The following AMPD3 variants were observed in gnomAD, a reference collection of about 807,000 sequenced individuals.
AMPD3 encodes AMP deaminase 3.
A neutral mutation model predicts 82.3 loss-of-function variants in AMPD3; 57 were observed. The observed-to-expected ratio is 0.69, with a 90% CI of 0.56 to 0.86. The LOEUF (loss-of-function observed/expected upper bound fraction) is 0.86, where lower values mean the gene tolerates loss of function less well. Ranked by LOEUF, AMPD3 falls within the 40% of genes least tolerant of loss-of-function variation. The pLI is 0.00. For missense variants in AMPD3, 870 were observed against 1,003.8 expected, an observed-to-expected ratio of 0.87 and a Z score of 1.80; for synonymous variants, 381 against 394.7, an observed-to-expected ratio of 0.97 and a Z score of 0.41.
intron 2 of AMPD3, chr11:10,473,411 G>T: frequency 1.0e-6 from 1 of 985,406 alleles, no homozygotes; most frequent in Non-Finnish European, 1.2e-6. Context: ...AGGGAGAAGC[G>T]AAGGTGAGTG....
At chr11:10,452,879 C>T (rs1221877899), upstream of AMPD3, among the ~76,000 whole-genome samples, 1 of 152,188 alleles carries the variant, frequency 6.6e-6, no homozygotes, top group African/African-American at 2.4e-5. Context: ...AGTTATTTAA[C>T]TTGCCCAAGG....
intron 10 of AMPD3, chr11:10,497,551 A>G (rs1252784401): frequency 1.0e-6 from 1 of 984,606 alleles, no homozygotes; most frequent in African/African-American, 1.7e-5. Flanking sequence ...GTGATGGATG[A>G]CTTTCTACAG....
At chr11:10,478,894 G>GGGGTGT (rs370578509) in intron 3 of AMPD3, among the ~76,000 whole-genome samples, 164 bp downstream of exon 3, 16 of 152,218 alleles carry the variant, frequency 1.1e-4, no homozygotes, top group African/African-American at 3.6e-4. Flanking sequence ...CAGAGGTTGT[G>GGGGTGT]GGGTGTGGGT....
At chr11:10,482,860 G>A (rs886381024) in intron 4 of AMPD3, among the ~76,000 whole-genome samples, 4 of 152,130 alleles carry the variant, frequency 2.6e-5, no homozygotes, top group Non-Finnish European at 5.9e-5. Flanking sequence ...CAATCACACA[G>A]TAAATGCCAA....
intron 14 of AMPD3, chr11:10,505,426 C>T (rs1346409181): frequency 1.0e-6 from 1 of 985,062 alleles, no homozygotes. Context: ...CTTTCCCATC[C>T]CCAGCAGCTG....
chr11:10,462,704 A>G (rs981230868), intron 2 of AMPD3, among the ~76,000 whole-genome samples: 1 of 152,140 alleles, frequency 6.6e-6, no homozygotes, highest in East Asian at 1.9e-4. Context: ...AGAGATGAAT[A>G]AGGATGAGAT....
intron 3 of AMPD3, among the ~76,000 whole-genome samples, chr11:10,478,989 A>G (rs1848824408): frequency 1.3e-5 from 2 of 151,946 alleles, no homozygotes; most frequent in Admixed American, 1.3e-4. Context: ...CGTAAGTTCC[A>G]CATGTTCTCT....
At chr11:10,473,423 CAGG>C in intron 2 of AMPD3, 1 of 985,068 alleles carries the variant, frequency 1.0e-6, no homozygotes, top group Non-Finnish European at 1.2e-6. Context: ...AGGTGAGTGG[CAGG>C]AGATGAGTGG....
chr11:10,502,359 AG>A, intron 12 of AMPD3: 2 of 985,406 alleles, frequency 2.0e-6, no homozygotes, highest in Non-Finnish European at 1.2e-6. Flanking sequence ...AAACAGCTAG[AG>A]GGGGGCATCT....
chr11:10,464,197 T>C (rs1286675919), intron 2 of AMPD3, among the ~76,000 whole-genome samples: 1 of 152,236 alleles, frequency 6.6e-6, no homozygotes, highest in Non-Finnish European at 1.5e-5. Flanking sequence ...GACTTCCTGC[T>C]GCTGAGACAG....
At chr11:10,499,210 GT>G (rs1347792295) in intron 10 of AMPD3, 5 of 152,458 alleles carry the variant, frequency 3.3e-5, no homozygotes, top group Non-Finnish European at 5.8e-5. Context: ...CCCAGAACCT[GT>G]TTTTTTTGTT....
intron 2 of AMPD3, among the ~76,000 whole-genome samples, chr11:10,466,562 C>A (rs527451942): frequency 8.5e-5 from 13 of 152,296 alleles, no homozygotes; most frequent in Admixed American, 2.0e-4. Flanking sequence ...TAGATAAAAC[C>A]CCCATCTCCC....
At chr11:10,454,607 A>G (rs1460888957), upstream of AMPD3, among the ~76,000 whole-genome samples, 1 of 152,180 alleles carries the variant, frequency 6.6e-6, no homozygotes, top group Admixed American at 6.5e-5. Context: ...CTGACCTTTC[A>G]TGTTCTGCAG....
intron 10 of AMPD3, among the ~76,000 whole-genome samples, chr11:10,498,844 T>A (rs763543968): frequency 1.3e-5 from 2 of 152,154 alleles, no homozygotes; most frequent in African/African-American, 2.4e-5. Context: ...CGTGGCCTGG[T>A]AGCAAGCCTC....
Position 10,487,314 on chromosome 11 carries a change from T to A in AMPD3, c.889T>A (p.Phe297Ile), listed in dbSNP as rs1339132516. The change falls in exon 6 of 15, where the codon TTC (phenylalanine) becomes ATC (isoleucine). Residue 297 changes from phenylalanine (F) to isoleucine (I), a missense_variant. Coordinates refer to ENST00000396553, the MANE Select transcript of AMPD3 (RefSeq NM_001025389.2). Reference sequence around the variant, plus strand: ...TGAGATGTTAAACGAAATGTCCGAGTTCAAAGAGTTGAAGAGTAACCCCCA... The same window carrying A: ...TGAGATGTTAAACGAAATGTCCGAGATCAAAGAGTTGAAGAGTAACCCCCA... ...LHEMLNEMSE[F>I]KELKSNPHRD... The A allele has an allele frequency of 1.2e-6, 2 of 1,614,036 alleles. No homozygotes were observed. The highest frequency in any genetic ancestry group is 2.2e-5 in the South Asian group (2 of 91,078).
intron 6 of AMPD3, chr11:10,488,476 GAGAGAGT>G: frequency 1.2e-6 from 1 of 814,896 alleles, no homozygotes; most frequent in Non-Finnish European, 1.4e-6. Context: ...TGAGAGAGTC[GAGAGAGT>G]CAGAACAGTG....
At chr11:10,504,776 AC>A in intron 14 of AMPD3, 117 bp downstream of exon 14, 1 of 968,516 alleles carries the variant, frequency 1.0e-6, no homozygotes, top group Admixed American at 1.9e-5. Flanking sequence ...CCTCTGAGAC[AC>A]TCAGGCACAG....
chr11:10,477,199 T>G, intron 2 of AMPD3: 4 of 731,768 alleles, frequency 5.5e-6, no homozygotes, highest in Non-Finnish European at 6.7e-6. Flanking sequence ...TTCAGGCCTG[T>G]AGGTATCACA....
chr11:10,461,581 C>A lies in AMPD3; in HGVS notation c.62C>A (p.Ala21Glu). The change falls in exon 2 of 15, where the codon GCG becomes GAG. Residue 21 changes from alanine to glutamate, a missense_variant. Coordinates refer to ENST00000396553, the MANE Select transcript of AMPD3 (RefSeq NM_001025389.2). ...GTGGATGAGCAAGTCCGGCTCCTGG[C>A]GGAGAAGGTGTTTGCTAAAGTGCTC... ...SEVDEQVRLL[A>E]EKVFAKVLRE... is the part of the protein sequence containing the mutation. 6.2e-7 allele frequency: 1 copy of A among 1,614,202 alleles called. No individual in the cohort carries two copies. Among genetic ancestry groups the A allele is most frequent in the Non-Finnish European group, 8.5e-7 (1 of 1,180,036 alleles).
Sources: gnomAD v4.1 joint callset for allele counts (sites outside exome capture counted in the v4.1 genomes callset) on GRCh38, gnomAD v4.1.1 for gene constraint, MANE v1.5 for transcripts, NCBI Gene and HGNC (gene_info 2026-07-23, HGNC 2026-07-21) for gene names.